The following MICAL1 variants were observed in gnomAD, a reference collection of about 807,000 sequenced individuals.
MICAL1 encodes the protein microtubule associated monooxygenase, calponin and LIM domain containing 1.
In MICAL1, 95 loss-of-function variants were observed where a neutral mutation model predicts 131.8. The ratio of observed to expected loss-of-function variants is 0.72; its 90% CI spans 0.61 to 0.86. The LOEUF is 0.86. Among genes scored for constraint, MICAL1 ranks in the 40% least tolerant of loss-of-function variants. The probability of loss-of-function intolerance (pLI) is 0.00; values close to 1 mark genes in which losing one functional copy is unlikely to be tolerated. For synonymous variants in MICAL1, 546 were observed against 554.2 expected (o/e 0.99, Z 0.21); for missense variants, 1,292 against 1,380.6 (o/e 0.94, Z 1.02).
Position 109,453,971 on chromosome 6 carries a change from A to T in MICAL1, c.226T>A (p.Tyr76Asn), listed in dbSNP as rs202062857. 1.1e-4 allele frequency: 177 copies of T among 1,613,994 alleles called. 1 individual carries two copies. The highest frequency in any genetic ancestry group is 5.2e-5 in the Non-Finnish European group (61 of 1,180,008). The change falls in exon 2 of 25, where the codon TAC (tyrosine) becomes AAC (asparagine). Residue 76 changes from tyrosine (Y) to asparagine (N), a missense_variant. Transcript: ENST00000358807. ...KLDKRAGQPV[Y>N]QQGRACTSTK... ...CTGGTGCAGGCCCGGCCCTGCTGGT[A>T]GACAGGCTGGCCTGCTCGCTTGTCC...
chr6:109,452,108 CCTT>C, intron 6 of MICAL1, 135 bp downstream of exon 6: 1 of 1,447,320 alleles, frequency 6.9e-7, no homozygotes, highest in Non-Finnish European at 9.0e-7. Flanking sequence ...GGGACAGGTT[CCTT>C]CTCCTTTGCT....
chr6:109,461,317 C>T (rs981172603), intron 1 of MICAL1, among the ~76,000 whole-genome samples: 1 of 152,048 alleles, frequency 6.6e-6, no homozygotes, highest in Non-Finnish European at 1.5e-5. Flanking sequence ...GCATAGTATT[C>T]CATGGTGTAT....
rs1410382597 is a variant in MICAL1 at position 109,453,747 on chromosome 6, G to A, written c.357C>T (p.Phe119=). 2 of 1,613,800 alleles carry A rather than the reference G, an allele frequency of 1.2e-6. No homozygotes were observed. The part of the protein sequence containing the change: ...RVVLVEKRTK[F]SRHNVLHLWP... ...AGAGGTGGAGCACGTTGTGGCGAGA[G>A]AACTTGGTGCGCTTTTCCACCAGCA... The change falls in exon 3 of 25, where the codon TTC becomes TTT. Residue 119 remains phenylalanine (F), a synonymous_variant. Coordinates refer to ENST00000358807, the MANE Select transcript of MICAL1 (RefSeq NM_022765.4).
chr6:109,453,381 G>A lies in MICAL1; in HGVS notation c.467-14C>T. On this transcript the variant is annotated splice_polypyrimidine_tract_variant and intron_variant, in intron 3 of 24. Transcript: ENST00000358807. ...GCTGCCTGATGCCTGGAAGGGAGAGGACATTAGGAACAGGGACCCTAGGGC... is the reference window on the plus strand; with the variant it reads ...GCTGCCTGATGCCTGGAAGGGAGAGAACATTAGGAACAGGGACCCTAGGGC... 1 of 1,611,920 alleles carries A rather than the reference G, an allele frequency of 6.2e-7. No individual in the cohort carries two copies. Among genetic ancestry groups the A allele is most frequent in the South Asian group, 1.1e-5 (1 of 91,052 alleles).
chr6:109,446,491 C>T (rs1344176949), intron 18 of MICAL1, 79 bp from the exon 19 acceptor site: 1 of 1,536,986 alleles, frequency 6.5e-7, no homozygotes, highest in Non-Finnish European at 8.9e-7. Flanking sequence ...GGCATTCATT[C>T]ACTTAAAACC....
In MICAL1 at chr6:109,446,244, G is replaced by T. The variant is rs201988999; in HGVS notation, c.2473C>A (p.Pro825Thr). Residue 825 changes from proline to threonine, a missense_variant, in exon 19 of 25, where the codon CCG becomes ACG. Physicochemically the swap from Pro to Thr is conservative, Grantham distance 38. Transcript: ENST00000358807. The stretch of plus-strand genomic sequence containing the variant: ...GGCTTGGGTGGAGGCTCCATTTCCG[G>T]GTCAGGGGTAAGGTTAAGGGAGGAC... ...RLSSLNLTPD[P>T]EMEPPPKPPR... 3.9e-5 allele frequency: 63 copies of T among 1,609,466 alleles called. No homozygotes were observed. Among genetic ancestry groups the T allele is most frequent in the Non-Finnish European group, 2.5e-6 (3 of 1,178,130 alleles).
chr6:109,455,854 G>A (rs1253243299), upstream of MICAL1: 4 of 985,582 alleles, frequency 4.1e-6, no homozygotes, highest in Non-Finnish European at 4.8e-6. This position sits in a 1 kb window ranked among gnomAD's most constrained non-coding sequence, Gnocchi z 4.7. Context: ...GGCGGCCCGG[G>A]GCGTGCGCCT....
rs768194562 is a variant in MICAL1, at chr6:109,450,486, C to A, written c.1005G>T (p.Arg335=). Residue 335 remains arginine, a synonymous_variant, in exon 8 of 25, where the codon CGG becomes CGT. Coordinates refer to ENST00000358807, the MANE Select transcript of MICAL1 (RefSeq NM_022765.4). The stretch of plus-strand genomic sequence containing the variant: ...CATGGGTGGCAAAGTCAGCAGCTGC[C>A]CGGGTAAAGCGCTGCAGAGCCTCGG... ...VVPEALQRFT[R]AAADFATHGK... The A allele has an allele frequency of 1.2e-6, 2 of 1,613,300 alleles. No homozygotes were observed. Among genetic ancestry groups the A allele is most frequent in the South Asian group, 2.2e-5 (2 of 91,080 alleles).
chr6:109,459,158 G>A (rs1175343230), upstream of MICAL1, among the ~76,000 whole-genome samples: 1 of 152,174 alleles, frequency 6.6e-6, no homozygotes, highest in African/African-American at 2.4e-5. Context: ...TATTCTAAAG[G>A]CCAATGGAAA....
chr6:109,453,423 G>T, intron 3 of MICAL1, 56 bp from the exon 4 acceptor site: 2 of 1,568,272 alleles, frequency 1.3e-6, no homozygotes, highest in Non-Finnish European at 1.7e-6. Context: ...AGCTCCCCAT[G>T]TACCAGTGTG....
intron 18 of MICAL1, 29 bp from the exon 19 acceptor site, chr6:109,446,441 C>CG (rs751665208): frequency 2.6e-6 from 2 of 754,904 alleles, no homozygotes; most frequent in South Asian, 4.0e-5. Flanking sequence ...GGAGTGAGGT[C>CG]GGGGGGTGAG....
At chr6:109,458,772 T>C (rs1252474416), upstream of MICAL1, among the ~76,000 whole-genome samples, 1 of 152,146 alleles carries the variant, frequency 6.6e-6, no homozygotes, top group East Asian at 1.9e-4. Flanking sequence ...CCTAGTACTG[T>C]AGGTGGCATG....
At chr6:109,457,597 T>A (rs1393771287), upstream of MICAL1, among the ~76,000 whole-genome samples, 1 of 152,136 alleles carries the variant, frequency 6.6e-6, no homozygotes, top group Non-Finnish European at 1.5e-5. Flanking sequence ...GCTTCTAGAA[T>A]AATCTCATTT....
In MICAL1 at chr6:109,450,773, GTCCCAGGC is replaced by G. The variant is rs1775507636; in HGVS notation, c.934-224_934-217del. 7.2e-5 allele frequency among the ~76,000 whole-genome samples: 11 copies of G among 152,288 alleles called. No individual in the cohort carries two copies. In the South Asian group the frequency reaches 2.3e-3, roughly 32 times the overall value. On this transcript the variant is annotated intron_variant, in intron 7 of 24. Coordinates refer to ENST00000358807, the MANE Select transcript of MICAL1 (RefSeq NM_022765.4). ...TTCAACATTCACCCTGCTGCTGGGTGTCCCAGGCTCTGTTCTGCCCATATCATTACTGT... is the reference window on the plus strand; with the variant it reads ...TTCAACATTCACCCTGCTGCTGGGTGTCTGTTCTGCCCATATCATTACTGT...
At chr6:109,455,853 G>T (rs1225012339), upstream of MICAL1, 29 of 985,582 alleles carry the variant, frequency 2.9e-5, no homozygotes, top group Non-Finnish European at 3.3e-5. This position sits in a 1 kb window ranked among gnomAD's most constrained non-coding sequence, Gnocchi z 4.7. Flanking sequence ...GGGCGGCCCG[G>T]GGCGTGCGCC....
rs1775129211 is a variant in MICAL1 at position 109,444,712 on chromosome 6, A to G, written c.3055+13T>C. 6.2e-7 allele frequency: 1 copy of G among 1,613,746 alleles called. No homozygotes were observed. The highest frequency in any genetic ancestry group is 1.3e-5 in the African/African-American group (1 of 74,842). ...CCCTGGGATGTGTCTGCTTCTCCCC[A>G]CATTTCACCTACCTTCCCGGTTCAT... On this transcript the variant is annotated intron_variant, in intron 24 of 24. Coordinates refer to ENST00000358807, the MANE Select transcript of MICAL1 (RefSeq NM_022765.4).
In MICAL1 at chr6:109,444,890, C is replaced by G. The variant is rs374968580; in HGVS notation, c.2981+6G>C. Reference sequence around the variant, plus strand: ...TGGGCCACTGTCACCATCCCCTTCCCCTTACGTGATCATGAGCTCGGCCTC... The same window carrying G: ...TGGGCCACTGTCACCATCCCCTTCCGCTTACGTGATCATGAGCTCGGCCTC... On this transcript the variant is annotated splice_donor_region_variant and intron_variant, in intron 23 of 24. Transcript: ENST00000358807. 6.5e-5 allele frequency: 105 copies of G among 1,614,070 alleles called. 1 individual carries two copies. In the African/African-American group the frequency reaches 1.3e-3, roughly 20 times the overall value.
rs887789324 is a variant in MICAL1 at position 109,455,166 on chromosome 6, G to T, written c.-44+553C>A. 6.6e-6 allele frequency among the ~76,000 whole-genome samples: 1 copy of T among 152,196 alleles called. No homozygotes were observed. The highest frequency in any genetic ancestry group is 1.5e-5 in the Non-Finnish European group (1 of 68,030). On this transcript the variant is annotated intron_variant, in intron 1 of 24. Coordinates refer to ENST00000358807, the MANE Select transcript of MICAL1 (RefSeq NM_022765.4). This position sits in a 1 kb window ranked among gnomAD's most constrained non-coding sequence, Gnocchi z 4.7. ...TGCCCGAGGGGGTTTCTCACGCGGG[G>T]CCCAGAAGGTATCAGAGGGTATGGA...
At position 109,455,413 on chromosome 6, in the gene MICAL1, G is replaced by A. The variant is rs1445284001; in HGVS notation, c.-44+306C>T. Among the ~76,000 whole-genome samples, 3 of 152,196 alleles carry A rather than the reference G, an allele frequency of 2.0e-5. No individual in the cohort carries two copies. The highest frequency in any genetic ancestry group is 4.4e-5 in the Non-Finnish European group (3 of 68,042). On this transcript the variant is annotated intron_variant, in intron 1 of 24. Coordinates refer to ENST00000358807, the MANE Select transcript of MICAL1 (RefSeq NM_022765.4). The surrounding 1 kb of genome is among the most constrained non-coding windows in gnomAD (Gnocchi z 4.7). ...TTCTTGGGGGTGGAGGGTGGAAGGA[G>A]GAAGACCTCGGCGAAAGGGGAGAAA...
Sources: allele counts gnomAD v4.1 joint callset (sites outside exome capture counted in the v4.1 genomes callset), GRCh38; gene constraint gnomAD v4.1.1; non-coding constraint Gnocchi (gnomAD v3.1); transcripts MANE v1.5; gene names NCBI Gene and HGNC (gene_info 2026-07-23, HGNC 2026-07-21).